The following SIPA1L1 variants were observed in gnomAD, a reference collection of about 807,000 sequenced individuals.
The protein encoded by SIPA1L1 is signal-induced proliferation-associated 1-like protein 1.
Under a neutral mutation model 162.7 loss-of-function variants are expected in SIPA1L1, and 26 were observed. The ratio of observed to expected loss-of-function variants is 0.16; its 90% CI spans 0.12 to 0.22. SIPA1L1 has a LOEUF of 0.22. SIPA1L1 is among the 10% of genes least tolerant of loss of function. The pLI, the probability that SIPA1L1 is intolerant of heterozygous loss-of-function variation, is 1.00. For synonymous variants in SIPA1L1, 829 were observed against 837.4 expected (o/e 0.99, Z 0.17); for missense variants, 1,874 against 2,241.0 (o/e 0.84, Z 3.31).
chr14:71,607,705 A>C (rs1244667090), intron 5 of SIPA1L1, among the ~76,000 whole-genome samples: 1 of 152,174 alleles, frequency 6.6e-6, no homozygotes, highest in African/African-American at 2.4e-5. Flanking sequence ...CTTGGTTCTG[A>C]GACAGCTTCT....
At chr14:71,444,417 C>T (rs540383425) in intron 2 of SIPA1L1, among the ~76,000 whole-genome samples, 5 of 152,180 alleles carry the variant, frequency 3.3e-5, no homozygotes, top group South Asian at 2.1e-4. Flanking sequence ...TATAGGATAG[C>T]GTTTTGAAAT....
chr14:71,509,075 G>A (rs924161998), intron 2 of SIPA1L1, among the ~76,000 whole-genome samples: 4 of 152,150 alleles, frequency 2.6e-5, no homozygotes, highest in Admixed American at 2.0e-4. Context: ...ATTCTGCTAG[G>A]AAAATTTATT....
intron 20 of SIPA1L1, among the ~76,000 whole-genome samples, chr14:71,731,449 C>T (rs1192807938): frequency 6.6e-6 from 1 of 152,208 alleles, no homozygotes; most frequent in African/African-American, 2.4e-5. Context: ...CTTTTTGTCA[C>T]CAGACTCCAG....
At chr14:71,738,605 G>A (rs1046834594) in intron 23 of SIPA1L1, among the ~76,000 whole-genome samples, 3 of 152,110 alleles carry the variant, frequency 2.0e-5, no homozygotes, top group South Asian at 2.1e-4. Flanking sequence ...CTTGTGTAAT[G>A]TGTCAGTAGC....
At chr14:71,521,380 A>C (rs2052338825) in intron 3 of SIPA1L1, among the ~76,000 whole-genome samples, 1 of 152,142 alleles carries the variant, frequency 6.6e-6, no homozygotes, top group Non-Finnish European at 1.5e-5. Flanking sequence ...AGGGAGTATG[A>C]GGCAGTGGTA....
intron 4 of SIPA1L1, among the ~76,000 whole-genome samples, chr14:71,561,556 T>A (rs2056793183): frequency 6.6e-6 from 1 of 152,206 alleles, no homozygotes; most frequent in Non-Finnish European, 1.5e-5. Flanking sequence ...AGAATTACTT[T>A]GAATTTCTTT....
chr14:71,377,457 TG>T lies in SIPA1L1; in HGVS notation c.-465+56279del, dbSNP rs996974448. Among the ~76,000 whole-genome samples, 1 of 145,704 alleles carries T rather than the reference TG, an allele frequency of 6.9e-6. No homozygotes were observed. Among genetic ancestry groups the T allele is most frequent in the Non-Finnish European group, 1.5e-5 (1 of 66,246 alleles). ...TAGAGATGCTCCTCACTTCCCAGAC[TG>T]GGCGGCCAGGCAGAGACGCTCCTCA... On this transcript the variant is annotated intron_variant, in intron 2 of 23. Coordinates refer to ENST00000381232, the MANE Select transcript of SIPA1L1 (RefSeq NM_001386936.1). The surrounding 1 kb of genome is among the most constrained non-coding windows in gnomAD (Gnocchi z 4.8).
At chr14:71,589,943 G>A (rs1374008757) in intron 5 of SIPA1L1, among the ~76,000 whole-genome samples, 1 of 147,610 alleles carries the variant, frequency 6.8e-6, no homozygotes, top group Admixed American at 6.8e-5. Context: ...CGGTCTTTGA[G>A]TAGAAAAGGC....
chr14:71,345,575 CTTT>C (rs11405671), intron 2 of SIPA1L1, among the ~76,000 whole-genome samples: 3 of 139,014 alleles, frequency 2.2e-5, no homozygotes, highest in Non-Finnish European at 1.6e-5. Context: ...ACAGCTTACT[CTTT>C]TTTTTTTTTT....
chr14:71,341,477 A>G (rs1229293247), intron 2 of SIPA1L1, among the ~76,000 whole-genome samples: 1 of 152,220 alleles, frequency 6.6e-6, no homozygotes, highest in Non-Finnish European at 1.5e-5. Context: ...GGCTGGAGGC[A>G]TATTAGAAAT....
intron 2 of SIPA1L1, among the ~76,000 whole-genome samples, chr14:71,430,720 C>A (rs529719425): frequency 6.3e-4 from 96 of 152,284 alleles, no homozygotes; most frequent in Non-Finnish European, 1.2e-3. Flanking sequence ...GATCACTTTG[C>A]GACTCTGCTT....
chr14:71,430,788 C>G (rs1163581229), intron 2 of SIPA1L1, among the ~76,000 whole-genome samples: 3 of 152,148 alleles, frequency 2.0e-5, no homozygotes, highest in African/African-American at 7.2e-5. Flanking sequence ...TGCAATTTCT[C>G]TTTCTTTTCA....
At chr14:71,598,550 T>C (rs954664607) in intron 5 of SIPA1L1, among the ~76,000 whole-genome samples, 1 of 152,152 alleles carries the variant, frequency 6.6e-6, no homozygotes, top group Admixed American at 6.5e-5. Flanking sequence ...GAGAGATAAA[T>C]ACTCTTCAAA....
intron 2 of SIPA1L1, among the ~76,000 whole-genome samples, chr14:71,477,816 AT>A (rs1156540108): frequency 6.6e-6 from 1 of 151,832 alleles, no homozygotes; most frequent in Non-Finnish European, 1.5e-5. Context: ...TACTGTGAAC[AT>A]TTGTGTTTTA....
At chr14:71,634,675 G>T (rs1263072389) in intron 7 of SIPA1L1, among the ~76,000 whole-genome samples, 1 of 151,410 alleles carries the variant, frequency 6.6e-6, no homozygotes, top group African/African-American at 2.4e-5. Context: ...GGTGGCTCAC[G>T]TCTGTAATCC....
At chr14:71,493,295 T>C (rs901395504) in intron 2 of SIPA1L1, among the ~76,000 whole-genome samples, 3 of 151,976 alleles carry the variant, frequency 2.0e-5, no homozygotes, top group Non-Finnish European at 4.4e-5. Flanking sequence ...GGTTTCACCA[T>C]GTTACCCAGG....
intron 2 of SIPA1L1, among the ~76,000 whole-genome samples, chr14:71,471,844 C>G (rs2047485963): frequency 6.6e-6 from 1 of 152,100 alleles, no homozygotes; most frequent in Non-Finnish European, 1.5e-5. Flanking sequence ...GCATTTAAAT[C>G]TTTGGGACTG....
chr14:71,325,072 G>A (rs935984183), intron 2 of SIPA1L1, among the ~76,000 whole-genome samples: 1 of 152,124 alleles, frequency 6.6e-6, no homozygotes, highest in Admixed American at 6.5e-5. Flanking sequence ...AAGCATTGTG[G>A]TATTCTGCCA....
intron 4 of SIPA1L1, among the ~76,000 whole-genome samples, chr14:71,544,326 ACATATATCATG>A: frequency 6.6e-6 from 1 of 151,504 alleles, no homozygotes; most frequent in Non-Finnish European, 1.5e-5. Flanking sequence ...ATATGTATAT[ACATATATCATG>A]TGTGTGTATA....
Sources: gnomAD v4.1 joint callset for allele counts (sites outside exome capture counted in the v4.1 genomes callset) on GRCh38, gnomAD v4.1.1 for gene constraint, Gnocchi (gnomAD v3.1) non-coding constraint, MANE v1.5 for transcripts, NCBI Gene and HGNC (gene_info 2026-07-23, HGNC 2026-07-21) for gene names.